Variants in C8orf34 observed in about 807,000 individuals in gnomAD.
C8orf34 encodes uncharacterized protein C8orf34.
C8orf34 carries 65 observed loss-of-function variants against 68.3 expected under a neutral mutation model. That is an observed-to-expected ratio of 0.95 (90% CI 0.78 to 1.17). C8orf34 has a LOEUF of 1.17. C8orf34 is among the 50% of genes most tolerant of loss of function. The pLI is 0.00. For synonymous variants in C8orf34, 244 were observed against 241.2 expected (o/e 1.01, Z -0.11); for missense variants, 664 against 655.4 (o/e 1.01, Z -0.14).
At chr8:68,332,902 T>C (rs1440954583) in intron 1 of C8orf34, among the ~76,000 whole-genome samples, 1 of 152,228 alleles carries the variant, frequency 6.6e-6, no homozygotes. Context: ...TTAATGATTA[T>C]TGATTATACA....
At chr8:68,398,442 C>A (rs1808808538) in intron 1 of C8orf34, among the ~76,000 whole-genome samples, 1 of 151,866 alleles carries the variant, frequency 6.6e-6, no homozygotes, top group Non-Finnish European at 1.5e-5. Context: ...TTATCAGGGA[C>A]AAAATACAGT....
At chr8:68,788,827 C>T (rs895151743) in intron 12 of C8orf34, among the ~76,000 whole-genome samples, 1 of 151,916 alleles carries the variant, frequency 6.6e-6, no homozygotes, top group African/African-American at 2.4e-5. Flanking sequence ...CCACTGCACT[C>T]CCGCCTGGCG....
intron 5 of C8orf34, among the ~76,000 whole-genome samples, chr8:68,491,495 A>T (rs1563482660): frequency 6.6e-6 from 1 of 152,082 alleles, no homozygotes; most frequent in Non-Finnish European, 1.5e-5. Flanking sequence ...TCAAGCTTCT[A>T]GGGCTGCCTG....
intron 12 of C8orf34, among the ~76,000 whole-genome samples, chr8:68,809,445 T>G (rs982935399): frequency 2.0e-5 from 3 of 152,146 alleles, no homozygotes; most frequent in African/African-American, 7.2e-5. Flanking sequence ...GTGATATATT[T>G]GTCTTATGCA....
intron 8 of C8orf34, among the ~76,000 whole-genome samples, chr8:68,685,152 T>C (rs1339064177): frequency 6.6e-6 from 1 of 152,144 alleles, no homozygotes; most frequent in African/African-American, 2.4e-5. Context: ...TACTTAATGC[T>C]TGAACCTATT....
At chr8:68,607,341 C>A (rs1475597782) in intron 7 of C8orf34, among the ~76,000 whole-genome samples, 1 of 152,004 alleles carries the variant, frequency 6.6e-6, no homozygotes, top group Non-Finnish European at 1.5e-5. Context: ...GATAAACATC[C>A]AAGATCAAGG....
At chr8:68,697,448 CAT>C (rs2130924118) in intron 8 of C8orf34, among the ~76,000 whole-genome samples, 1 of 152,170 alleles carries the variant, frequency 6.6e-6, no homozygotes, top group South Asian at 2.1e-4. Context: ...TTTTTCCCCT[CAT>C]GTGTCTTCTC....
At chr8:68,502,417 C>T (rs916985936) in intron 5 of C8orf34, among the ~76,000 whole-genome samples, 2 of 152,024 alleles carry the variant, frequency 1.3e-5, no homozygotes, top group Non-Finnish European at 2.9e-5. Context: ...CAAAAAAGCT[C>T]GGAGCTAGCA....
chr8:68,532,070 T>A (rs1815270420), intron 6 of C8orf34, among the ~76,000 whole-genome samples: 1 of 152,092 alleles, frequency 6.6e-6, no homozygotes, highest in Admixed American at 6.6e-5. Context: ...CCTGCCAGAC[T>A]TGAGACTCCC....
At chr8:68,817,567 G>T (rs1824856619) in intron 13 of C8orf34, among the ~76,000 whole-genome samples, 1 of 152,048 alleles carries the variant, frequency 6.6e-6, no homozygotes. Flanking sequence ...AATGTTTATG[G>T]TCTAATTGGC....
chr8:68,624,826 C>G (rs929944835), intron 7 of C8orf34, among the ~76,000 whole-genome samples: 16 of 151,958 alleles, frequency 1.1e-4, no homozygotes, highest in Non-Finnish European at 2.4e-4. Flanking sequence ...GCCTCGACCT[C>G]TGGGAATCAA....
Position 68,548,862 on chromosome 8 carries a change from G to A in C8orf34, c.1105+15713G>A, listed in dbSNP as rs192073785. On this transcript the variant is annotated intron_variant, in intron 7 of 13. Transcript: ENST00000518698. ...ATAAAAATCAATTACATACTGATAC[G>A]TGTAACAATATGGATGAATCCTATT... Among the ~76,000 whole-genome samples the A allele has an allele frequency of 7.4e-3, 1,124 of 151,852 alleles. 6 individuals carry two copies. Among genetic ancestry groups the A allele is most frequent in the Non-Finnish European group, 0.013 (881 of 67,750 alleles).
chr8:68,728,381 C>G lies in C8orf34; in HGVS notation c.1404+6944C>G, dbSNP rs188486784. On this transcript the variant is annotated intron_variant, in intron 10 of 13. Coordinates refer to ENST00000518698, the MANE Select transcript of C8orf34 (RefSeq NM_052958.4). ...AAGTTCCAAACTTTCCCACATTTTC[C>G]TGTCTTCTTCTGAGCCCTTCAAACT... Among the ~76,000 whole-genome samples the G allele has an allele frequency of 3.0e-3, 454 of 152,310 alleles. 2 individuals are homozygous for G. Among genetic ancestry groups the G allele is most frequent in the African/African-American group, 9.6e-3 (398 of 41,574 alleles).
intron 4 of C8orf34, among the ~76,000 whole-genome samples, chr8:68,480,158 G>C (rs1171598769): frequency 6.6e-6 from 1 of 152,174 alleles, no homozygotes. Flanking sequence ...GGGACCCAGG[G>C]GGAGGTAATG....
intron 1 of C8orf34, among the ~76,000 whole-genome samples, chr8:68,421,065 T>G (rs569300948): frequency 6.6e-6 from 1 of 152,214 alleles, no homozygotes; most frequent in African/African-American, 2.4e-5. Context: ...AAAAGCCTAA[T>G]AAGCCATAAG....
At chr8:68,347,208 G>C (rs950112978) in intron 1 of C8orf34, among the ~76,000 whole-genome samples, 6 of 152,014 alleles carry the variant, frequency 3.9e-5, no homozygotes, top group African/African-American at 1.4e-4. Context: ...ATGAGAACAT[G>C]TGGTATTTGG....
At chr8:68,467,675 C>T (rs1049054048) in intron 3 of C8orf34, among the ~76,000 whole-genome samples, 4 of 151,892 alleles carry the variant, frequency 2.6e-5, no homozygotes, top group Non-Finnish European at 5.9e-5. Context: ...TAGAGCAACT[C>T]CAGTAGGAGC....
chr8:68,367,634 T>C (rs1174864131), intron 1 of C8orf34, among the ~76,000 whole-genome samples: 1 of 135,446 alleles, frequency 7.4e-6, no homozygotes, highest in African/African-American at 2.8e-5. Flanking sequence ...TCATTCTCAG[T>C]AAACTATCAC....
chr8:68,353,882 T>G (rs1806630230), intron 1 of C8orf34, among the ~76,000 whole-genome samples: 1 of 151,906 alleles, frequency 6.6e-6, no homozygotes, highest in African/African-American at 2.4e-5. Flanking sequence ...ATAGTTTATA[T>G]GCAAATACTA....
Sources: allele counts gnomAD v4.1 joint callset (sites outside exome capture counted in the v4.1 genomes callset), GRCh38; gene constraint gnomAD v4.1.1; transcripts MANE v1.5; gene names NCBI Gene and HGNC (gene_info 2026-07-23, HGNC 2026-07-21).